Variants in ABI1 observed in about 807,000 individuals in gnomAD.
The protein encoded by ABI1 is Abelson interactor 1.
ABI1 carries 14 observed loss-of-function variants against 54.6 expected under a neutral mutation model. The ratio of observed to expected loss-of-function variants is 0.26; its 90% CI spans 0.17 to 0.40. ABI1 has a LOEUF of 0.40. Among genes scored for constraint, ABI1 ranks in the 10% least tolerant of loss-of-function variants. ABI1 has a pLI of 1.00. For missense variants in ABI1, 443 were observed against 598.3 expected (o/e 0.74, Z 2.71); for synonymous variants, 194 against 209.3 (o/e 0.93, Z 0.63).
chr10:26,751,509 G>T, intron 10 of ABI1, 89 bp downstream of exon 10: 1 of 1,341,824 alleles, frequency 7.5e-7, no homozygotes, highest in Non-Finnish European at 1.0e-6. Flanking sequence ...TTAAAAGGCT[G>T]AGAAACATTG....
intron 1 of ABI1, among the ~76,000 whole-genome samples, chr10:26,857,874 A>G (rs1252800937): frequency 2.0e-5 from 3 of 151,436 alleles, no homozygotes; most frequent in Non-Finnish European, 2.9e-5. Context: ...AAGAAAGAAA[A>G]AAACTGTCCT....
chr10:26,841,406 T>C (rs973759084), intron 1 of ABI1, among the ~76,000 whole-genome samples: 2 of 151,804 alleles, frequency 1.3e-5, no homozygotes, highest in Non-Finnish European at 2.9e-5. Flanking sequence ...TACCTTTTTT[T>C]TTTTTTTTTG....
intron 1 of ABI1, among the ~76,000 whole-genome samples, chr10:26,838,126 C>T (rs1401717011): frequency 1.3e-5 from 2 of 151,274 alleles, no homozygotes; most frequent in East Asian, 3.9e-4. Context: ...TGCGTTCAAG[C>T]GATTCTAATG....
intron 2 of ABI1, among the ~76,000 whole-genome samples, chr10:26,798,639 G>C (rs1319401751): frequency 6.6e-6 from 1 of 151,696 alleles, no homozygotes; most frequent in South Asian, 2.1e-4. Flanking sequence ...GCGGTGATTT[G>C]TTACAGCAAC....
chr10:26,828,706 T>C (rs868805023), intron 1 of ABI1, among the ~76,000 whole-genome samples: 5 of 152,182 alleles, frequency 3.3e-5, no homozygotes, highest in African/African-American at 1.2e-4. Context: ...ACCATTAGAA[T>C]AAAAGTAATT....
intron 2 of ABI1, among the ~76,000 whole-genome samples, chr10:26,816,500 T>A (rs1051956747): frequency 6.6e-6 from 1 of 152,176 alleles, no homozygotes; most frequent in Non-Finnish European, 1.5e-5. Flanking sequence ...ATCCAAAGGA[T>A]AAAATGTTGA....
At chr10:26,760,999 G>A (rs1839076061) in intron 7 of ABI1, among the ~76,000 whole-genome samples, 1 of 151,026 alleles carries the variant, frequency 6.6e-6, no homozygotes, top group Non-Finnish European at 1.5e-5. Flanking sequence ...CTGGAGTGCA[G>A]TGGTGGGATC....
chr10:26,806,706 T>A (rs1439949471), intron 2 of ABI1, among the ~76,000 whole-genome samples: 1 of 152,194 alleles, frequency 6.6e-6, no homozygotes, highest in Non-Finnish European at 1.5e-5. Context: ...CTCCTGGTCC[T>A]TGAATCATAT....
chr10:26,803,306 AG>A (rs1269961444), intron 2 of ABI1, among the ~76,000 whole-genome samples: 1 of 152,200 alleles, frequency 6.6e-6, no homozygotes, highest in Non-Finnish European at 1.5e-5. Flanking sequence ...CTTTACCTTT[AG>A]GCTAAAGGCA....
intron 2 of ABI1, among the ~76,000 whole-genome samples, chr10:26,786,110 T>C (rs1564497585): frequency 6.6e-6 from 1 of 152,202 alleles, no homozygotes. Flanking sequence ...AATTCACATA[T>C]TCTGACCACC....
chr10:26,833,531 A>T (rs566077407), intron 1 of ABI1, among the ~76,000 whole-genome samples: 233 of 152,334 alleles, frequency 1.5e-3, no homozygotes, highest in African/African-American at 5.4e-3. Context: ...CTACATTTCA[A>T]CACATAATCT....
intron 2 of ABI1, among the ~76,000 whole-genome samples, chr10:26,779,619 G>A (rs1841856713): frequency 6.6e-6 from 1 of 152,178 alleles, no homozygotes; most frequent in Admixed American, 6.5e-5. Context: ...TGGCTAGTTT[G>A]CTTGGAAGAG....
At position 26,759,055 on chromosome 10, in the gene ABI1, A is replaced by C. The variant is rs1283728492; in HGVS notation, c.997+7T>G. On this transcript the variant is annotated splice_region_variant and intron_variant, in intron 8 of 10. Coordinates refer to ENST00000376140, the MANE Select transcript of ABI1 (RefSeq NM_001012750.3). ...TGTTGCTGTATGCCTGCAAAGCACA[A>C]GCTTACTTGAATTTTGAGAATAAAG... is the stretch of plus-strand genomic sequence containing the variant. 8 of 1,612,314 alleles carry C rather than the reference A, an allele frequency of 5.0e-6. No homozygotes were observed. The highest frequency in any genetic ancestry group is 6.8e-6 in the Non-Finnish European group (8 of 1,179,316).
intron 2 of ABI1, among the ~76,000 whole-genome samples, chr10:26,796,176 G>A (rs1053704782): frequency 4.6e-5 from 7 of 152,054 alleles, no homozygotes; most frequent in Non-Finnish European, 8.8e-5. Flanking sequence ...AGGAGAGGGA[G>A]CTGTGGGTCA....
At chr10:26,749,059 T>C (rs1837288471) in intron 10 of ABI1, among the ~76,000 whole-genome samples, 1 of 152,226 alleles carries the variant, frequency 6.6e-6, no homozygotes, top group African/African-American at 2.4e-5. Context: ...GCCTATCATA[T>C]GCAAAGCACC....
intron 3 of ABI1, among the ~76,000 whole-genome samples, chr10:26,772,296 C>T (rs1840789175): frequency 6.6e-6 from 1 of 151,910 alleles, no homozygotes; most frequent in Non-Finnish European, 1.5e-5. Context: ...ATGTATACTT[C>T]AGTATCTGTA....
chr10:26,830,364 G>A (rs547196481), intron 1 of ABI1, among the ~76,000 whole-genome samples: 1 of 152,280 alleles, frequency 6.6e-6, no homozygotes, highest in African/African-American at 2.4e-5. Flanking sequence ...GCTCATGACT[G>A]TAATCTCAGC....
At chr10:26,775,850 G>A (rs959388568) in intron 3 of ABI1, among the ~76,000 whole-genome samples, 1 of 152,170 alleles carries the variant, frequency 6.6e-6, no homozygotes, top group Non-Finnish European at 1.5e-5. Context: ...GAGTGCGAGT[G>A]TGTGCGTGTG....
intron 1 of ABI1, among the ~76,000 whole-genome samples, chr10:26,855,717 T>A (rs1281703357): frequency 6.6e-6 from 1 of 152,118 alleles, no homozygotes; most frequent in Non-Finnish European, 1.5e-5. Context: ...ACACCTGTAA[T>A]CCCAGCACTT....
Sources: gnomAD v4.1 joint callset for allele counts (sites outside exome capture counted in the v4.1 genomes callset) on GRCh38, gnomAD v4.1.1 for gene constraint, MANE v1.5 for transcripts, NCBI Gene and HGNC (gene_info 2026-07-23, HGNC 2026-07-21) for gene names.